Variants in HDAC4 observed in about 807,000 individuals in gnomAD.
HDAC4 encodes histone deacetylase 4.
In HDAC4, 16 loss-of-function variants were observed where a neutral mutation model predicts 135.1. The ratio of observed to expected loss-of-function variants is 0.12; its 90% confidence interval spans 0.08 to 0.18. The LOEUF (loss-of-function observed/expected upper bound fraction) is 0.18. Among genes scored for constraint, HDAC4 ranks in the 10% least tolerant of loss-of-function variants. The pLI, the probability that HDAC4 is intolerant of heterozygous loss-of-function variation, is 1.00. For synonymous variants in HDAC4, 685 were observed against 653.4 expected, an observed-to-expected ratio of 1.05 and a Z score of -0.74; for missense variants, 1,143 against 1,511.8, an observed-to-expected ratio of 0.76 and a Z score of 4.05.
At chr2:239,239,976 C>T (rs762731898) in intron 2 of HDAC4, among the ~76,000 whole-genome samples, 7 of 152,226 alleles carry the variant, frequency 4.6e-5, no homozygotes, top group Admixed American at 6.5e-5. Context: ...GCTGGAAGCA[C>T]GGCCACAGTC....
rs2043187878 is a variant in HDAC4 at position 239,167,579 on chromosome 2, A to C, written c.491-3656T>G. ...TCAGACTTTACTAGGAGAGTATTCA[A>C]AATGAGGGGCTGATTCTGACCCCCA... On this transcript the variant is annotated intron_variant, in intron 5 of 26. Transcript: ENST00000543185. This position sits in a 1 kb window ranked among gnomAD's most constrained non-coding sequence, Gnocchi z 4.1. 1.3e-5 allele frequency among the ~76,000 whole-genome samples: 2 copies of C among 152,198 alleles called. No individual in the cohort carries two copies.
In HDAC4 at chr2:239,051,629, T is replaced by A. The variant is rs1379660657; in HGVS notation, c.*1468A>T. On this transcript the variant is annotated 3_prime_UTR_variant, in exon 27 of 27. Transcript: ENST00000543185. ...ATTAGGTACATATGTGCATGAAGGC[T>A]TGGAGACGGGAGCGGTTCTGTTAGA... 6.6e-6 allele frequency: 1 copy of A among 152,646 alleles called. No individual in the cohort carries two copies. Among genetic ancestry groups the A allele is most frequent in the Non-Finnish European group, 1.5e-5 (1 of 68,036 alleles). 9.5% of individuals were successfully genotyped at this position (152,646 alleles called of 1,614,324 possible). A position where few individuals can be genotyped will look rare whatever the true frequency, so the allele number is the denominator to read the frequency against.
intron 18 of HDAC4, 125 bp from the exon 19 acceptor site, chr2:239,087,739 C>A (rs2036117977): frequency 3.4e-6 from 3 of 882,010 alleles, no homozygotes; most frequent in African/African-American, 3.3e-5. Context: ...TCTTGCTGCA[C>A]CCTGGCCACA....
chr2:239,157,636 T>C (rs1321268457), intron 6 of HDAC4, among the ~76,000 whole-genome samples: 1 of 152,228 alleles, frequency 6.6e-6, no homozygotes, highest in East Asian at 1.9e-4. Context: ...TGGAATAAAT[T>C]CTGAGTCTTT....
intron 4 of HDAC4, among the ~76,000 whole-genome samples, chr2:239,184,148 C>T (rs1657451657): frequency 6.8e-6 from 1 of 147,768 alleles, no homozygotes; most frequent in Non-Finnish European, 1.5e-5. Context: ...ATGCATTCGA[C>T]TGGGAATAGG....
At chr2:239,067,831 C>A (rs931693651) in intron 23 of HDAC4, among the ~76,000 whole-genome samples, 3 of 152,188 alleles carry the variant, frequency 2.0e-5, no homozygotes, top group African/African-American at 7.2e-5. Flanking sequence ...GACGCTGGGG[C>A]CTTGAGGGCA....
chr2:239,097,692 C>T (rs567157723), intron 16 of HDAC4, among the ~76,000 whole-genome samples: 46 of 152,270 alleles, frequency 3.0e-4, no homozygotes, highest in Admixed American at 2.4e-3. Flanking sequence ...AGAGCTAGTG[C>T]GCAGGTGGAA....
chr2:239,094,197 G>A, intron 17 of HDAC4: 1 of 985,448 alleles, frequency 1.0e-6, no homozygotes, highest in South Asian at 4.7e-5. Context: ...GCCCGGATCT[G>A]CTCGGACGCT....
In HDAC4 at chr2:239,163,815, C is replaced by T. The variant is rs766581830; in HGVS notation, c.599G>A (p.Arg200His). ...CACCCACACTTACCCGTACCAGTAGCGAGGGTCGCTGGAAATGCAGTGGTT... is the reference window on the plus strand; with the variant it reads ...CACCCACACTTACCCGTACCAGTAGTGAGGGTCGCTGGAAATGCAGTGGTT... ...NLNHCISSDPRYWYGKTQHSS... is the reference protein window; with the variant it reads ...NLNHCISSDPHYWYGKTQHSS... Residue 200 changes from arginine to histidine, a missense_variant, in exon 6 of 27, where the codon CGC becomes CAC. Physicochemically the swap from Arg to His is conservative, Grantham distance 29 (BLOSUM62 0). Coordinates refer to ENST00000543185, the MANE Select transcript of HDAC4 (RefSeq NM_001378414.1). 53 of 1,614,126 alleles carry T rather than the reference C, an allele frequency of 3.3e-5. No homozygotes were observed. Among genetic ancestry groups the T allele is most frequent in the Non-Finnish European group, 3.7e-5 (44 of 1,180,028 alleles).
intron 3 of HDAC4, among the ~76,000 whole-genome samples, chr2:239,200,030 G>A (rs1306953512): frequency 2.0e-5 from 3 of 152,136 alleles, no homozygotes; most frequent in Admixed American, 6.5e-5. Context: ...GAGCCACCGC[G>A]CCCAGCCCTC....
rs1052846069 is a variant in HDAC4, at chr2:239,308,680, C to G, written c.22+43998G>C. Reference sequence around the variant, plus strand: ...GGTTAACAGGCCTCCGGGTGTCCCCCCCTTCCAGCCCAGTGCAGGGGTTCA... The same window carrying G: ...GGTTAACAGGCCTCCGGGTGTCCCCGCCTTCCAGCCCAGTGCAGGGGTTCA... On this transcript the variant is annotated intron_variant, in intron 2 of 26. Coordinates refer to ENST00000543185, the MANE Select transcript of HDAC4 (RefSeq NM_001378414.1). The surrounding 1 kb of genome is among the most constrained non-coding windows in gnomAD (Gnocchi z 4.2). Among the ~76,000 whole-genome samples, 6 of 152,170 alleles carry G rather than the reference C, an allele frequency of 3.9e-5. No homozygotes were observed. The highest frequency in any genetic ancestry group is 1.9e-4 in the East Asian group (1 of 5,182).
chr2:239,156,114 T>C (rs964843331), intron 7 of HDAC4, among the ~76,000 whole-genome samples: 13 of 152,196 alleles, frequency 8.5e-5, no homozygotes, highest in African/African-American at 3.1e-4. Flanking sequence ...AATGCCCTTC[T>C]CCCTTGGCTT....
chr2:239,150,109 AC>A (rs1312501002), intron 7 of HDAC4, among the ~76,000 whole-genome samples: 14 of 152,344 alleles, frequency 9.2e-5, no homozygotes, highest in African/African-American at 2.9e-4. Context: ...AATAATGGCC[AC>A]CATATAATAT....
At chr2:239,132,493 C>T (rs1316786203) in intron 11 of HDAC4, among the ~76,000 whole-genome samples, 2 of 152,176 alleles carry the variant, frequency 1.3e-5, no homozygotes, top group African/African-American at 4.8e-5. Flanking sequence ...TAAAGCAAGG[C>T]CAGAGCAAGC....
intron 2 of HDAC4, among the ~76,000 whole-genome samples, chr2:239,320,421 C>CAAAT (rs10623712): frequency 1.5e-5 from 2 of 131,646 alleles, no homozygotes; most frequent in African/African-American, 2.8e-5. Flanking sequence ...ATCAAACAAA[C>CAAAT]AAAAAAATTT....
At chr2:239,383,646 C>A (rs1392037540) in intron 1 of HDAC4, among the ~76,000 whole-genome samples, 2 of 152,168 alleles carry the variant, frequency 1.3e-5, no homozygotes, top group Non-Finnish European at 2.9e-5. Flanking sequence ...TATTCCCTCT[C>A]TGTACCTGGT....
intron 1 of HDAC4, among the ~76,000 whole-genome samples, chr2:239,356,990 C>T (rs1158418779): frequency 6.6e-6 from 1 of 152,148 alleles, no homozygotes; most frequent in African/African-American, 2.4e-5. Context: ...AAAATAAGAA[C>T]AGAGAAGACC....
chr2:239,082,649 G>A (rs1329209500), intron 20 of HDAC4, among the ~76,000 whole-genome samples: 5 of 152,246 alleles, frequency 3.3e-5, no homozygotes, highest in Non-Finnish European at 7.3e-5. Flanking sequence ...TGGCCTGCCC[G>A]CTTGCAGGCA....
intron 1 of HDAC4, among the ~76,000 whole-genome samples, chr2:239,374,639 G>A (rs1416224838): frequency 6.6e-6 from 1 of 151,710 alleles, no homozygotes; most frequent in Non-Finnish European, 1.5e-5. Context: ...TCCTGACCTC[G>A]TGATCCGCCC....
Sources: gnomAD v4.1 joint callset for allele counts (sites outside exome capture counted in the v4.1 genomes callset) on GRCh38, gnomAD v4.1.1 for gene constraint, Gnocchi (gnomAD v3.1) non-coding constraint, MANE v1.5 for transcripts, NCBI Gene and HGNC (gene_info 2026-07-23, HGNC 2026-07-21) for gene names.